The following NEK11 variants were observed in gnomAD, a reference collection of about 807,000 sequenced individuals.
The protein encoded by NEK11 is NIMA related kinase 11, also known as serine/threonine-protein kinase Nek11.
In NEK11, 72 loss-of-function variants were observed where a neutral mutation model predicts 80.7. That is an observed-to-expected ratio of 0.89 (90% CI 0.74 to 1.08). The LOEUF (loss-of-function observed/expected upper bound fraction) is 1.08, where lower values mean the gene tolerates loss of function less well. Ranked by LOEUF, NEK11 falls within the 50% of genes least tolerant of loss-of-function variation. The pLI is 0.00. For synonymous variants in NEK11, 251 were observed against 260.7 expected (o/e 0.96, Z 0.36); for missense variants, 764 against 763.6 (o/e 1.00, Z -0.01).
chr3:131,210,559 T>C (rs956936804), intron 14 of NEK11, among the ~76,000 whole-genome samples: 3 of 152,214 alleles, frequency 2.0e-5, no homozygotes, highest in African/African-American at 7.2e-5. Flanking sequence ...TTCTGCCTAA[T>C]GTTGACAGTG....
chr3:131,317,904 A>T (rs1336589630), intron 17 of NEK11, among the ~76,000 whole-genome samples: 2 of 144,914 alleles, frequency 1.4e-5, no homozygotes, highest in African/African-American at 5.1e-5. Context: ...TCCCCAGATG[A>T]GAAAATCATA....
rs77876502 is a variant in NEK11, at chr3:131,303,640, T to C, written c.1718+30066T>C. On this transcript the variant is annotated intron_variant, in intron 17 of 17. Coordinates refer to ENST00000383366, the MANE Select transcript of NEK11 (RefSeq NM_024800.5). Reference sequence around the variant, plus strand: ...AGTTGGCTGGGTATGAAATTCTTGATTGGAATTTTGTTTCTTTAAAAATGC... The same window carrying C: ...AGTTGGCTGGGTATGAAATTCTTGACTGGAATTTTGTTTCTTTAAAAATGC... Among the ~76,000 whole-genome samples the C allele has an allele frequency of 6.2e-3, 939 of 152,312 alleles. 13 individuals carry two copies. The highest frequency in any genetic ancestry group is 0.022 in the African/African-American group (913 of 41,570).
chr3:131,147,271 GT>G (rs889959456), intron 7 of NEK11, among the ~76,000 whole-genome samples: 2 of 151,738 alleles, frequency 1.3e-5, no homozygotes, highest in African/African-American at 4.8e-5. Context: ...ATCCAAGTAC[GT>G]TTTTTTCTAT....
intron 14 of NEK11, among the ~76,000 whole-genome samples, chr3:131,215,764 G>C (rs1223581804): frequency 6.6e-6 from 1 of 152,202 alleles, no homozygotes; most frequent in African/African-American, 2.4e-5. Context: ...CTTTGCAGAG[G>C]TGGGGATTGG....
At chr3:131,221,456 G>T (rs981911655) in intron 14 of NEK11, among the ~76,000 whole-genome samples, 1 of 152,144 alleles carries the variant, frequency 6.6e-6, no homozygotes, top group Non-Finnish European at 1.5e-5. Context: ...AGGTGATGTT[G>T]TTCTTGCTAT....
rs566291319 is a variant in NEK11 at position 131,281,322 on chromosome 3, T to C, written c.1718+7748T>C. Among the ~76,000 whole-genome samples the C allele has an allele frequency of 5.3e-5, 8 of 152,302 alleles. No individual in the cohort carries two copies. The East Asian group carries it at 1.5e-3, about 29-fold the overall frequency. On this transcript the variant is annotated intron_variant, in intron 17 of 17. Transcript: ENST00000383366. ...CTCATCCTTTCATTTAAAAATATAT[T>C]CAGATAAATGAATCTCTCTCCTGCT...
At chr3:131,263,968 G>A (rs1006955951) in intron 16 of NEK11, among the ~76,000 whole-genome samples, 3 of 152,182 alleles carry the variant, frequency 2.0e-5, no homozygotes, top group Non-Finnish European at 2.9e-5. Context: ...GGCCAGTGTT[G>A]ATGAGCATTT....
At chr3:131,133,039 T>G (rs1305785593) in intron 6 of NEK11, among the ~76,000 whole-genome samples, 1 of 152,106 alleles carries the variant, frequency 6.6e-6, no homozygotes, top group Admixed American at 6.5e-5. Context: ...TGATATAAAT[T>G]GAGGTGTACA....
intron 3 of NEK11, among the ~76,000 whole-genome samples, chr3:131,070,514 C>T (rs972737773): frequency 1.2e-4 from 18 of 152,148 alleles, no homozygotes; most frequent in African/African-American, 3.9e-4. Flanking sequence ...TGGCAATATT[C>T]CTAGCTTCCG....
intron 7 of NEK11, among the ~76,000 whole-genome samples, chr3:131,152,114 G>A (rs2089762169): frequency 6.6e-6 from 1 of 151,860 alleles, no homozygotes; most frequent in African/African-American, 2.4e-5. Flanking sequence ...CTATGTGCAG[G>A]CATACTGTTA....
rs2097428116 is a variant in NEK11, at chr3:131,349,891, G to C, written c.*115G>C. ...GATACAAAAGCAGAGCTCCCATCTT[G>C]ACTTTCAATTCCTCATCAGAAGTAC... On this transcript the variant is annotated 3_prime_UTR_variant, in exon 18 of 18. Transcript: ENST00000383366. 1.3e-6 allele frequency: 1 copy of C among 757,556 alleles called. No homozygotes were observed. The highest frequency in any genetic ancestry group is 2.1e-6 in the Non-Finnish European group (1 of 468,472). 46.9% of individuals were successfully genotyped at this position (757,556 alleles called of 1,614,324 possible).
intron 16 of NEK11, among the ~76,000 whole-genome samples, chr3:131,257,254 C>G (rs2095833501): frequency 6.6e-6 from 1 of 151,834 alleles, no homozygotes; most frequent in African/African-American, 2.4e-5. Flanking sequence ...ACTCAGCCTC[C>G]CAAAGTGCTG....
intron 7 of NEK11, 47 bp downstream of exon 7, chr3:131,134,003 A>G: frequency 6.6e-7 from 1 of 1,513,676 alleles, no homozygotes. Context: ...CCCTAAAAGA[A>G]TGGTACATTT....
intron 17 of NEK11, among the ~76,000 whole-genome samples, chr3:131,339,960 G>A (rs186574043): frequency 3.9e-5 from 6 of 152,322 alleles, no homozygotes; most frequent in South Asian, 2.1e-4. Context: ...TCCCAAAGGC[G>A]TGAGCAATGC....
At chr3:131,345,117 T>TG (rs1407371624) in intron 17 of NEK11, among the ~76,000 whole-genome samples, 1 of 152,224 alleles carries the variant, frequency 6.6e-6, no homozygotes, top group Non-Finnish European at 1.5e-5. Context: ...GACCAACTCT[T>TG]GGTTTGATTA....
At chr3:131,290,639 ACT>A (rs1189307044) in intron 17 of NEK11, among the ~76,000 whole-genome samples, 3 of 151,908 alleles carry the variant, frequency 2.0e-5, no homozygotes, top group Admixed American at 6.6e-5. Flanking sequence ...ATGCTGCCAG[ACT>A]CTCTGTGACC....
intron 14 of NEK11, among the ~76,000 whole-genome samples, chr3:131,204,848 G>A (rs2094395656): frequency 6.6e-6 from 1 of 152,030 alleles, no homozygotes; most frequent in East Asian, 1.9e-4. Context: ...GCAGCATGAG[G>A]ACCGTCAAAG....
At chr3:131,195,729 A>G (rs373227864) in intron 14 of NEK11, among the ~76,000 whole-genome samples, 5 of 150,426 alleles carry the variant, frequency 3.3e-5, no homozygotes, top group Admixed American at 2.7e-4. Flanking sequence ...CCTTTATAGC[A>G]CCTTTGTCAG....
chr3:131,335,139 T>C (rs1005358623), intron 17 of NEK11, among the ~76,000 whole-genome samples: 2 of 152,216 alleles, frequency 1.3e-5, no homozygotes, highest in Non-Finnish European at 2.9e-5. Context: ...ATCATCCTGA[T>C]ACCAAAGCCT....
Sources: allele counts gnomAD v4.1 joint callset (sites outside exome capture counted in the v4.1 genomes callset), GRCh38; gene constraint gnomAD v4.1.1; transcripts MANE v1.5; gene names NCBI Gene and HGNC (gene_info 2026-07-23, HGNC 2026-07-21).